The following CERS6 variants were observed in gnomAD, a reference collection of about 807,000 sequenced individuals.
CERS6 encodes the protein LAG1 homolog, ceramide synthase 6.
CERS6 carries 26 observed loss-of-function variants against 56.8 expected under a neutral mutation model. The ratio of observed to expected loss-of-function variants is 0.46; its 90% CI spans 0.34 to 0.63. The LOEUF (loss-of-function observed/expected upper bound fraction) is 0.63, where lower values mean the gene tolerates loss of function less well. CERS6 is among the 30% of genes least tolerant of loss of function. The pLI is 0.01. For missense variants in CERS6, 415 were observed against 467.5 expected, an observed-to-expected ratio of 0.89 and a Z score of 1.04; for synonymous variants, 164 against 173.3, an observed-to-expected ratio of 0.95 and a Z score of 0.42.
At chr2:168,595,305 G>A (rs1017286867) in intron 3 of CERS6, among the ~76,000 whole-genome samples, 1 of 152,192 alleles carries the variant, frequency 6.6e-6, no homozygotes, top group Non-Finnish European at 1.5e-5. Context: ...TGAGATGTTT[G>A]GGAGAATATT....
At chr2:168,553,966 T>C (rs1695630420) in intron 2 of CERS6, among the ~76,000 whole-genome samples, 1 of 152,250 alleles carries the variant, frequency 6.6e-6, no homozygotes. Flanking sequence ...GCATATTTAA[T>C]AGTACCAGAG....
chr2:168,649,194 A>G (rs1307155819), intron 4 of CERS6, among the ~76,000 whole-genome samples: 3 of 152,112 alleles, frequency 2.0e-5, no homozygotes, highest in Admixed American at 1.3e-4. Context: ...CTAAAGTGTG[A>G]TGTTTCATTG....
intron 4 of CERS6, among the ~76,000 whole-genome samples, chr2:168,633,050 A>C (rs1445546676): frequency 6.6e-6 from 1 of 152,174 alleles, no homozygotes; most frequent in East Asian, 1.9e-4. Context: ...GTGAGTCTGC[A>C]CGAGGCAGTA....
chr2:168,587,874 G>T (rs1683580999), intron 3 of CERS6, among the ~76,000 whole-genome samples: 2 of 151,822 alleles, frequency 1.3e-5, no homozygotes, highest in Admixed American at 1.3e-4. Flanking sequence ...TATTATTCTT[G>T]CCAAAATTTA....
intron 1 of CERS6, among the ~76,000 whole-genome samples, chr2:168,505,683 C>A (rs1028984749): frequency 6.6e-6 from 1 of 152,136 alleles, no homozygotes; most frequent in Admixed American, 6.6e-5. Flanking sequence ...TATTAAAGAT[C>A]AGTTTCTCCC....
intron 1 of CERS6, among the ~76,000 whole-genome samples, chr2:168,514,105 C>A (rs1272528058): frequency 6.6e-6 from 1 of 152,140 alleles, no homozygotes; most frequent in Non-Finnish European, 1.5e-5. Flanking sequence ...CATTCTTGAC[C>A]ATTTCATTTG....
chr2:168,513,119 TACAAGA>T (rs1273537395), intron 1 of CERS6, among the ~76,000 whole-genome samples: 1 of 152,208 alleles, frequency 6.6e-6, no homozygotes, highest in African/African-American at 2.4e-5. Context: ...GAGCTGTGTG[TACAAGA>T]ATGAGGTCTG....
At chr2:168,615,458 A>AT (rs967992093) in intron 3 of CERS6, among the ~76,000 whole-genome samples, 6 of 151,572 alleles carry the variant, frequency 4.0e-5, no homozygotes, top group Non-Finnish European at 7.4e-5. Context: ...ATTTAACGAA[A>AT]TAAAAAAAAA....
chr2:168,673,033 C>T (rs866259245), intron 4 of CERS6, among the ~76,000 whole-genome samples: 1 of 152,138 alleles, frequency 6.6e-6, no homozygotes, highest in South Asian at 2.1e-4. Flanking sequence ...CATAGTTTGA[C>T]CAGTTGTCTT....
chr2:168,633,838 G>A (rs1202135010), intron 4 of CERS6, among the ~76,000 whole-genome samples: 2 of 152,074 alleles, frequency 1.3e-5, no homozygotes, highest in Non-Finnish European at 2.9e-5. Flanking sequence ...GCATAAATTT[G>A]TCTTTGTGTT....
chr2:168,761,936 C>T lies in CERS6; in HGVS notation c.846-3656C>T, dbSNP rs559227851. 3.7e-3 allele frequency among the ~76,000 whole-genome samples: 570 copies of T among 152,158 alleles called. 7 individuals carry two copies. The highest frequency in any genetic ancestry group is 0.012 in the African/African-American group (518 of 41,490). ...AAACCAAGCACCACATGTTCTCACT[C>T]ATAAGTGGGAGTTGAACAATGAGAA... On this transcript the variant is annotated intron_variant, in intron 8 of 9. Coordinates refer to ENST00000305747, the MANE Select transcript of CERS6 (RefSeq NM_203463.3).
chr2:168,550,471 C>A (rs1442014816), intron 2 of CERS6, among the ~76,000 whole-genome samples: 1 of 152,178 alleles, frequency 6.6e-6, no homozygotes, highest in African/African-American at 2.4e-5. Flanking sequence ...AGCCACCATG[C>A]CTGGTCAAGG....
At chr2:168,698,974 G>C (rs1315191592) in intron 6 of CERS6, among the ~76,000 whole-genome samples, 3 of 152,086 alleles carry the variant, frequency 2.0e-5, no homozygotes, top group African/African-American at 4.8e-5. Flanking sequence ...GTTTATTCTT[G>C]TTTCTTGCAC....
chr2:168,623,485 G>A (rs13429514), intron 3 of CERS6, among the ~76,000 whole-genome samples: 45,353 of 151,908 alleles, frequency 0.3, 7,659 homozygotes, highest in African/African-American at 0.46. Context: ...AAAAAATGCC[G>A]TGTTACAATC....
chr2:168,703,859 C>T (rs1686866709), intron 6 of CERS6, among the ~76,000 whole-genome samples: 1 of 152,094 alleles, frequency 6.6e-6, no homozygotes, highest in Non-Finnish European at 1.5e-5. Flanking sequence ...GTAGATATTC[C>T]CAATCTTAGG....
At position 168,773,222 on chromosome 2, in the gene CERS6, C is replaced by G. The variant is rs914513834; in HGVS notation, c.*3560C>G. 6.6e-6 allele frequency: 1 copy of G among 152,092 alleles called. No individual in the cohort carries two copies. Among genetic ancestry groups the G allele is most frequent in the Non-Finnish European group, 1.5e-5 (1 of 68,038 alleles). The allele number at this position is 152,092 out of a possible 1,614,324, so 9.4% of individuals were successfully genotyped here. On this transcript the variant is annotated 3_prime_UTR_variant, in exon 10 of 10. Coordinates refer to ENST00000305747, the MANE Select transcript of CERS6 (RefSeq NM_203463.3). Reference sequence around the variant, plus strand: ...TTGGAAATGTTAATGCCAAAGTTGCCTGAACATTGGGCGGTTTTCTTAATT... The same window carrying G: ...TTGGAAATGTTAATGCCAAAGTTGCGTGAACATTGGGCGGTTTTCTTAATT...
intron 4 of CERS6, among the ~76,000 whole-genome samples, chr2:168,673,218 C>T (rs1194123905): frequency 6.6e-6 from 1 of 152,028 alleles, no homozygotes; most frequent in South Asian, 2.1e-4. Context: ...AAACTTTAGC[C>T]TCACAGATAG....
At chr2:168,536,938 TG>T (rs146623194) in intron 1 of CERS6, among the ~76,000 whole-genome samples, 9,545 of 152,242 alleles carry the variant, frequency 0.063, 595 homozygotes, top group East Asian at 0.18. Context: ...AGAATTTTGA[TG>T]GGCAATAAAC....
intron 1 of CERS6, among the ~76,000 whole-genome samples, chr2:168,517,637 G>A (rs549162999): frequency 7.2e-5 from 11 of 151,968 alleles, no homozygotes; most frequent in Non-Finnish European, 1.6e-4. Flanking sequence ...ATGCCTCTTG[G>A]TTTTGGCTAG....
Sources: allele counts gnomAD v4.1 joint callset (sites outside exome capture counted in the v4.1 genomes callset), GRCh38; gene constraint gnomAD v4.1.1; transcripts MANE v1.5; gene names NCBI Gene and HGNC (gene_info 2026-07-23, HGNC 2026-07-21).